PDE1C: variants seen among roughly 807,000 people sequenced by gnomAD.
The protein encoded by PDE1C is dual specificity calcium/calmodulin-dependent 3',5'-cyclic nucleotide phosphodiesterase 1C.
Under a neutral mutation model 93.1 loss-of-function variants are expected in PDE1C, and 62 were observed. The ratio of observed to expected loss-of-function variants is 0.67; its 90% CI spans 0.54 to 0.82. PDE1C has a LOEUF of 0.82. PDE1C is among the 40% of genes least tolerant of loss of function. The pLI is 0.00. For missense variants in PDE1C, 742 were observed against 884.6 expected, an observed-to-expected ratio of 0.84 and a Z score of 2.04; for synonymous variants, 325 against 310.1, an observed-to-expected ratio of 1.05 and a Z score of -0.50.
chr7:31,707,214 G>T, the PDE1C span: 1 of 1,613,860 alleles, frequency 6.2e-7, no homozygotes, highest in Non-Finnish European at 8.5e-7. Context: ...GTGTGACATT[G>T]CTCAGGGACG....
chr7:32,211,109 T>C (rs571708601), intron 1 of PDE1C, among the ~76,000 whole-genome samples: 3 of 152,194 alleles, frequency 2.0e-5, no homozygotes, highest in East Asian at 3.9e-4. Context: ...CTCGGGAGGC[T>C]GAGGCAGGAG....
At chr7:32,237,730 A>ACTTGGCTC (rs1471044035) in intron 1 of PDE1C, among the ~76,000 whole-genome samples, 1 of 125,536 alleles carries the variant, frequency 8.0e-6, no homozygotes, top group East Asian at 2.3e-4. Flanking sequence ...CACTATCCGC[A>ACTTGGCTC]CTTGGCTCTG....
chr7:32,084,305 T>A (rs1796919550), intron 3 of PDE1C, among the ~76,000 whole-genome samples: 1 of 151,510 alleles, frequency 6.6e-6, no homozygotes, highest in South Asian at 2.1e-4. Context: ...GAGCTAACTA[T>A]CCTAAATATA....
intron 1 of PDE1C, among the ~76,000 whole-genome samples, chr7:32,347,239 A>G (rs1783870615): frequency 6.6e-6 from 1 of 152,216 alleles, no homozygotes; most frequent in Admixed American, 6.5e-5. Flanking sequence ...AGAACACCTT[A>G]GACAATTGGA....
chr7:31,812,037 G>A (rs1180242886), intron 15 of PDE1C, among the ~76,000 whole-genome samples: 1 of 152,060 alleles, frequency 6.6e-6, no homozygotes, highest in Non-Finnish European at 1.5e-5. Context: ...TGGCTGACGT[G>A]AGCTGTTACT....
chr7:32,386,943 T>C (rs1420955661), intron 1 of PDE1C, among the ~76,000 whole-genome samples: 3 of 151,100 alleles, frequency 2.0e-5, no homozygotes, highest in African/African-American at 2.4e-5. Flanking sequence ...GGCAGGGTCA[T>C]AGGACAATAG....
intron 9 of PDE1C, among the ~76,000 whole-genome samples, chr7:31,843,432 T>G (rs567347103): frequency 3.3e-5 from 5 of 152,060 alleles, no homozygotes; most frequent in African/African-American, 1.2e-4. Flanking sequence ...ACACTCTTAT[T>G]ATCAGAAAAT....
chr7:32,130,232 G>C (rs1346751433), intron 3 of PDE1C, among the ~76,000 whole-genome samples: 3 of 151,976 alleles, frequency 2.0e-5, no homozygotes, highest in Non-Finnish European at 2.9e-5. Flanking sequence ...CACTGCAGAA[G>C]CTATCTATCT....
At chr7:32,220,644 C>T (rs994270694) in intron 1 of PDE1C, among the ~76,000 whole-genome samples, 3 of 151,896 alleles carry the variant, frequency 2.0e-5, no homozygotes, top group Non-Finnish European at 4.4e-5. Context: ...TGAAACCCCG[C>T]CTCTACTAAA....
chr7:32,251,730 C>T (rs1809396966), intron 1 of PDE1C, among the ~76,000 whole-genome samples: 1 of 152,172 alleles, frequency 6.6e-6, no homozygotes. Context: ...ATGTTCATAA[C>T]CCTTTGCTCT....
chr7:31,790,242 T>C, intron 16 of PDE1C: 1 of 1,612,202 alleles, frequency 6.2e-7, no homozygotes, highest in Non-Finnish European at 8.5e-7. Flanking sequence ...CTATGAGGTC[T>C]TTTTTACTCT....
chr7:31,970,380 A>G lies in PDE1C; in HGVS notation c.128+81174T>C, dbSNP rs113602578. ...TCAAATAGTGAAAACAACCAACAAT[A>G]CAGAAAAGTCTCGGGCGGAGGGAGG... On this transcript the variant is annotated intron_variant, in intron 2 of 17. Transcript: ENST00000396191. 1.5e-3 allele frequency among the ~76,000 whole-genome samples: 223 copies of G among 152,316 alleles called. 2 individuals are homozygous for G. Among genetic ancestry groups the G allele is most frequent in the African/African-American group, 5.2e-3 (217 of 41,576 alleles).
the PDE1C span, among the ~76,000 whole-genome samples, chr7:31,730,845 G>C: frequency 2.0e-5 from 3 of 151,902 alleles, no homozygotes; most frequent in South Asian, 6.2e-4. Flanking sequence ...GTAAAGATAA[G>C]ATGACAAGTC....
intron 3 of PDE1C, among the ~76,000 whole-genome samples, chr7:32,140,845 A>C (rs1196015853): frequency 6.6e-6 from 1 of 152,230 alleles, no homozygotes; most frequent in Non-Finnish European, 1.5e-5. Context: ...TGAATCCAGC[A>C]GCATCTTGCC....
intron 1 of PDE1C, among the ~76,000 whole-genome samples, chr7:32,063,101 C>T (rs1227807294): frequency 6.6e-6 from 1 of 152,178 alleles, no homozygotes; most frequent in Non-Finnish European, 1.5e-5. Flanking sequence ...CAGTATACTT[C>T]CTCCAGAAAT....
At chr7:32,025,333 G>T (rs917167) in intron 2 of PDE1C, among the ~76,000 whole-genome samples, 5 of 152,102 alleles carry the variant, frequency 3.3e-5, no homozygotes, top group East Asian at 1.9e-4. Context: ...TGAAACCCAA[G>T]GCCAGGGTCC....
chr7:32,138,813 TC>T (rs1467884610), intron 3 of PDE1C, among the ~76,000 whole-genome samples: 3 of 152,222 alleles, frequency 2.0e-5, no homozygotes, highest in Non-Finnish European at 2.9e-5. Flanking sequence ...ATCATTTTTT[TC>T]ATCAATTTAC....
At chr7:32,284,409 T>G (rs1459953484) in intron 1 of PDE1C, among the ~76,000 whole-genome samples, 4 of 152,192 alleles carry the variant, frequency 2.6e-5, no homozygotes, top group Non-Finnish European at 5.9e-5. Context: ...AGTTGGAAAA[T>G]TAAGCATAAA....
At chr7:31,782,680 AGG>A (rs1249959440) in intron 16 of PDE1C, among the ~76,000 whole-genome samples, 1 of 152,222 alleles carries the variant, frequency 6.6e-6, no homozygotes, top group African/African-American at 2.4e-5. Context: ...ATCCCCACAA[AGG>A]GGAGTAATGA....
Sources: allele counts gnomAD v4.1 joint callset (sites outside exome capture counted in the v4.1 genomes callset), GRCh38; gene constraint gnomAD v4.1.1; transcripts MANE v1.5; gene names NCBI Gene and HGNC (gene_info 2026-07-23, HGNC 2026-07-21).